Variants in AOAH observed in about 807,000 individuals in gnomAD.
AOAH encodes the protein acyloxyacyl hydrolase (neutrophil).
A neutral mutation model predicts 92.2 loss-of-function variants in AOAH; 64 were observed. That is an observed-to-expected ratio of 0.69 (90% CI 0.57 to 0.86). AOAH has a LOEUF of 0.86. AOAH is among the 40% of genes least tolerant of loss of function. The pLI is 0.00. For synonymous variants in AOAH, 263 were observed against 254.5 expected, an observed-to-expected ratio of 1.03 and a Z score of -0.32; for missense variants, 656 against 694.6, an observed-to-expected ratio of 0.94 and a Z score of 0.62.
At chr7:36,556,355 G>C (rs1658479624) in intron 13 of AOAH, among the ~76,000 whole-genome samples, 1 of 152,090 alleles carries the variant, frequency 6.6e-6, no homozygotes, top group African/African-American at 2.4e-5. Context: ...GAGACAGTTT[G>C]TTATAATTTC....
chr7:36,552,347 T>G (rs1043417129), intron 13 of AOAH, among the ~76,000 whole-genome samples: 7 of 152,242 alleles, frequency 4.6e-5, no homozygotes, highest in African/African-American at 1.7e-4. Flanking sequence ...TTCCTTTTTA[T>G]GGTTGCATAG....
At chr7:36,623,798 G>A (rs1792451496) in intron 6 of AOAH, among the ~76,000 whole-genome samples, 1 of 152,116 alleles carries the variant, frequency 6.6e-6, no homozygotes, top group African/African-American at 2.4e-5. Flanking sequence ...ATCCCATGAG[G>A]GAGGATTTCC....
At chr7:36,696,242 A>G (rs1797701209) in intron 1 of AOAH, among the ~76,000 whole-genome samples, 1 of 152,208 alleles carries the variant, frequency 6.6e-6, no homozygotes, top group Non-Finnish European at 1.5e-5. Flanking sequence ...GTTCTTCAAA[A>G]TTGTGGCTGT....
At chr7:36,580,726 C>T (rs1788873916) in intron 12 of AOAH, among the ~76,000 whole-genome samples, 2 of 152,148 alleles carry the variant, frequency 1.3e-5, no homozygotes. Context: ...AAGCTGGGCC[C>T]CTGGCTGTGC....
At chr7:36,562,722 C>G (rs1371780641) in intron 13 of AOAH, among the ~76,000 whole-genome samples, 3 of 152,148 alleles carry the variant, frequency 2.0e-5, no homozygotes, top group Non-Finnish European at 4.4e-5. Context: ...CATGATCTCT[C>G]TAGTACTTTT....
intron 12 of AOAH, among the ~76,000 whole-genome samples, chr7:36,588,431 C>T (rs1789508348): frequency 6.6e-6 from 1 of 152,236 alleles, no homozygotes; most frequent in Non-Finnish European, 1.5e-5. Flanking sequence ...TCAGCCTCAC[C>T]CAACTTCAGA....
intron 1 of AOAH, among the ~76,000 whole-genome samples, chr7:36,708,986 C>G (rs529543329): frequency 1.8e-4 from 27 of 152,098 alleles, no homozygotes; most frequent in African/African-American, 6.5e-4. Context: ...CTCAAGTTCC[C>G]CTGGGCTTTC....
intron 10 of AOAH, among the ~76,000 whole-genome samples, chr7:36,617,366 T>A (rs1389385852): frequency 6.6e-6 from 1 of 152,268 alleles, no homozygotes; most frequent in African/African-American, 2.4e-5. Flanking sequence ...GTTTAGTTGT[T>A]CATTCATTCT....
Position 36,540,329 on chromosome 7 carries a change from A to G in AOAH, c.1296T>C (p.Tyr432=). ...TFLWDNLHNR[Y]HPLGQLNKDM... The stretch of plus-strand genomic sequence containing the variant: ...TCTTCAAACTGATACCGAGAGGATG[A>G]TATCTGTTGTGCAAATTATCCCAGA... Residue 432 remains tyrosine, a synonymous_variant, in exon 16 of 21, where the codon TAT becomes TAC. Coordinates refer to ENST00000617537, the MANE Select transcript of AOAH (RefSeq NM_001637.4). 6.2e-7 allele frequency: 1 copy of G among 1,612,022 alleles called. No homozygotes were observed. Among genetic ancestry groups the G allele is most frequent in the Non-Finnish European group, 8.5e-7 (1 of 1,178,956 alleles).
Position 36,720,804 on chromosome 7 carries a change from G to A in AOAH, c.127+3218C>T, listed in dbSNP as rs377707732. Among the ~76,000 whole-genome samples the A allele has an allele frequency of 7.9e-5, 12 of 152,320 alleles. No homozygotes were observed. The South Asian group carries it at 1.0e-3, about 13-fold the overall frequency. The stretch of plus-strand genomic sequence containing the variant: ...CCTTCATCTGTGTATCCCTGCTCTC[G>A]CATATTCAGTGGCCATGTGAGAACT... On this transcript the variant is annotated intron_variant, in intron 1 of 20. Coordinates refer to ENST00000617537, the MANE Select transcript of AOAH (RefSeq NM_001637.4).
rs1785981398 is a variant in AOAH, at chr7:36,548,800, C to CA, written c.1059-115_1059-114insT. ...CTTGGTATGACCACCCTCTTGGCAA[C>CA]TTTTTGCTATTTTTCTTTCATTCTA... On this transcript the variant is annotated intron_variant, in intron 14 of 20. Transcript: ENST00000617537. 7 of 689,948 alleles carry CA rather than the reference C, an allele frequency of 1.0e-5. No homozygotes were observed. The Admixed American group carries it at 1.1e-4, about 11-fold the overall frequency. The allele number at this position is 689,948 out of a possible 1,614,324, so 42.7% of individuals were successfully genotyped here.
rs148753862 is a variant in AOAH at position 36,685,235 on chromosome 7, T to C, written c.223+1464A>G. On this transcript the variant is annotated intron_variant, in intron 2 of 20. Coordinates refer to ENST00000617537, the MANE Select transcript of AOAH (RefSeq NM_001637.4). ...AAGGAAGGGGTGGAAAGGAAACTTA[T>C]AGATTAAAATAGACTCAAAAGACAC... is the stretch of plus-strand genomic sequence containing the variant. Among the ~76,000 whole-genome samples the C allele has an allele frequency of 6.3e-3, 961 of 152,268 alleles. 11 individuals carry two copies. The highest frequency in any genetic ancestry group is 0.022 in the African/African-American group (930 of 41,556).
At chr7:36,523,035 G>A (rs1784187962) in intron 19 of AOAH, among the ~76,000 whole-genome samples, 1 of 152,150 alleles carries the variant, frequency 6.6e-6, no homozygotes, top group Admixed American at 6.5e-5. Flanking sequence ...TCAATACAAG[G>A]CTGCTTTTAC....
In AOAH at chr7:36,517,210, C is replaced by CTTTCTT. The variant is rs1346473171; in HGVS notation, c.1600-3831_1600-3830insAAGAAA. ...TCTTTCTTTCTTTCTTTCTTTCTTT[C>CTTTCTT]TTTCTCTTTCTTTCTGTCTCTCTCT... On this transcript the variant is annotated intron_variant, in intron 20 of 20. Coordinates refer to ENST00000617537, the MANE Select transcript of AOAH (RefSeq NM_001637.4). Among the ~76,000 whole-genome samples, 390 of 66,866 alleles carry CTTTCTT rather than the reference C, an allele frequency of 5.8e-3. 3 individuals carry two copies. Among genetic ancestry groups the CTTTCTT allele is most frequent in the Non-Finnish European group, 9.3e-3 (276 of 29,820 alleles). 43.9% of individuals were successfully genotyped at this position (66,866 alleles called of 152,430 possible).
At chr7:36,685,885 G>C (rs927920581) in intron 2 of AOAH, among the ~76,000 whole-genome samples, 2 of 151,814 alleles carry the variant, frequency 1.3e-5, no homozygotes, top group African/African-American at 4.8e-5. Context: ...ATGACTAAAC[G>C]GAACAACTTC....
At chr7:36,563,532 C>A (rs1378496467) in intron 13 of AOAH, among the ~76,000 whole-genome samples, 1 of 152,176 alleles carries the variant, frequency 6.6e-6, no homozygotes, top group African/African-American at 2.4e-5. Flanking sequence ...ATTCCATACA[C>A]TCTGTCCAGG....
intron 1 of AOAH, 39 bp downstream of exon 1, chr7:36,723,983 A>G: frequency 6.3e-7 from 1 of 1,599,254 alleles, no homozygotes; most frequent in Non-Finnish European, 8.5e-7. Context: ...TCCCATTGTT[A>G]TGTCTACATA....
chr7:36,699,238 G>T (rs1797890681), intron 1 of AOAH, among the ~76,000 whole-genome samples: 1 of 151,962 alleles, frequency 6.6e-6, no homozygotes, highest in Non-Finnish European at 1.5e-5. Context: ...TCATATTTTG[G>T]CTATTGTAAA....
At chr7:36,700,098 A>C (rs1020985650) in intron 1 of AOAH, among the ~76,000 whole-genome samples, 1 of 151,888 alleles carries the variant, frequency 6.6e-6, no homozygotes, top group Non-Finnish European at 1.5e-5. Flanking sequence ...CAAAAAATGG[A>C]ATTGGCTGTA....
Sources: allele counts gnomAD v4.1 joint callset (sites outside exome capture counted in the v4.1 genomes callset), GRCh38; gene constraint gnomAD v4.1.1; transcripts MANE v1.5; gene names NCBI Gene and HGNC (gene_info 2026-07-23, HGNC 2026-07-21).